SND1: variants seen among roughly 807,000 people sequenced by gnomAD.
SND1 encodes the protein staphylococcal nuclease and tudor domain containing 1.
Under a neutral mutation model 121.7 loss-of-function variants are expected in SND1, and 38 were observed. That is an observed-to-expected ratio of 0.31 (90% CI 0.24 to 0.41). SND1 has a LOEUF of 0.41. Among genes scored for constraint, SND1 ranks in the 10% least tolerant of loss-of-function variants. The probability of loss-of-function intolerance (pLI) is 1.00; values close to 1 mark genes in which losing one functional copy is unlikely to be tolerated. For missense variants in SND1, 868 were observed against 1,184.6 expected (o/e 0.73, Z 3.92); for synonymous variants, 401 against 447.4 (o/e 0.90, Z 1.31).
chr7:127,846,996 G>A (rs570712867), intron 12 of SND1, among the ~76,000 whole-genome samples: 17 of 151,984 alleles, frequency 1.1e-4, no homozygotes, highest in Non-Finnish European at 1.8e-4. Flanking sequence ...GGCCAGGCGC[G>A]ATGGCTCATG....
At chr7:127,724,965 C>CG (rs1202737486) in intron 10 of SND1, among the ~76,000 whole-genome samples, 2 of 152,026 alleles carry the variant, frequency 1.3e-5, no homozygotes, top group African/African-American at 4.8e-5. Context: ...GAAATCCCCC[C>CG]ACGCCAACCC....
At chr7:127,723,424 A>T (rs1587620998) in intron 10 of SND1, among the ~76,000 whole-genome samples, 1 of 150,906 alleles carries the variant, frequency 6.6e-6, no homozygotes, top group East Asian at 1.9e-4. Flanking sequence ...CACTCCTGAG[A>T]TCTTACTCCA....
At chr7:127,979,704 G>A (rs1033684101) in intron 15 of SND1, among the ~76,000 whole-genome samples, 1 of 152,116 alleles carries the variant, frequency 6.6e-6, no homozygotes, top group Non-Finnish European at 1.5e-5. Flanking sequence ...TGATATATTG[G>A]TTCTTTGGAA....
intron 12 of SND1, among the ~76,000 whole-genome samples, chr7:127,856,278 G>A (rs1799271868): frequency 1.3e-5 from 2 of 152,150 alleles, no homozygotes; most frequent in South Asian, 4.1e-4. Flanking sequence ...CTACTTCCCT[G>A]GGTATGCTAG....
chr7:127,852,019 G>A (rs1473327175), intron 12 of SND1, among the ~76,000 whole-genome samples: 1 of 152,046 alleles, frequency 6.6e-6, no homozygotes, highest in Non-Finnish European at 1.5e-5. Flanking sequence ...AATTAGCTGA[G>A]TGTAGTGATG....
chr7:127,926,714 G>A lies in SND1; in HGVS notation c.1528-2474G>A, dbSNP rs1055533151. ...ACTACAGGTGCCCACCACCACACCC[G>A]GCTATTTTGTTGTTGTTGTTGTTGT... On this transcript the variant is annotated intron_variant, in intron 14 of 23. Transcript: ENST00000354725. Among the ~76,000 whole-genome samples, 3 of 134,838 alleles carry A rather than the reference G, an allele frequency of 2.2e-5. No homozygotes were observed. In the East Asian group the frequency reaches 6.1e-4, roughly 27 times the overall value. The allele number at this position is 134,838 out of a possible 152,430, so 88.5% of individuals were successfully genotyped here.
intron 14 of SND1, among the ~76,000 whole-genome samples, chr7:127,920,298 C>A (rs1264863573): frequency 1.3e-5 from 2 of 151,926 alleles, no homozygotes; most frequent in African/African-American, 2.4e-5. Flanking sequence ...GGAAATAAAC[C>A]AATAAAGCAG....
intron 12 of SND1, among the ~76,000 whole-genome samples, chr7:127,846,823 T>C (rs1799072740): frequency 6.6e-6 from 1 of 152,206 alleles, no homozygotes; most frequent in African/African-American, 2.4e-5. Context: ...ATTTGATGAT[T>C]GGAAGCTCAC....
intron 15 of SND1, chr7:127,949,084 G>A (rs1293489675): frequency 2.0e-5 from 3 of 152,216 alleles, no homozygotes; most frequent in Admixed American, 1.3e-4. Context: ...CAGTTGCTAT[G>A]AGAACCTTAA....
chr7:128,067,543 C>T (rs1179080269), intron 16 of SND1, among the ~76,000 whole-genome samples: 1 of 152,150 alleles, frequency 6.6e-6, no homozygotes, highest in Non-Finnish European at 1.5e-5. Flanking sequence ...AGGGCAGTGG[C>T]GCCCTGTGCT....
intron 16 of SND1, among the ~76,000 whole-genome samples, chr7:127,993,286 ACC>A (rs1802562024): frequency 6.6e-6 from 1 of 152,164 alleles, no homozygotes; most frequent in Non-Finnish European, 1.5e-5. Context: ...ATTTACTTTT[ACC>A]TATGTAGTAC....
intron 15 of SND1, among the ~76,000 whole-genome samples, chr7:127,937,424 TC>T (rs557355010): frequency 9.2e-5 from 14 of 151,882 alleles, no homozygotes; most frequent in Non-Finnish European, 2.1e-4. Context: ...CCCTCCCCCT[TC>T]CTCTCTTTCC....
chr7:127,992,323 G>A (rs138696140), intron 16 of SND1, among the ~76,000 whole-genome samples: 1 of 152,132 alleles, frequency 6.6e-6, no homozygotes, highest in Non-Finnish European at 1.5e-5. Context: ...AAATAACCCC[G>A]TGCAAGAGAA....
intron 1 of SND1, among the ~76,000 whole-genome samples, chr7:127,665,583 A>G (rs552441443): frequency 1.7e-4 from 26 of 152,230 alleles, no homozygotes; most frequent in Non-Finnish European, 3.1e-4. Context: ...AGAAAAAATT[A>G]TTCATGACAC....
At chr7:127,753,526 C>T (rs1797139939) in intron 10 of SND1, among the ~76,000 whole-genome samples, 4 of 151,986 alleles carry the variant, frequency 2.6e-5, no homozygotes, top group Non-Finnish European at 4.4e-5. Context: ...CCAATCAGAT[C>T]CTTGCTTATT....
chr7:127,805,291 C>T (rs1360445291), intron 10 of SND1, among the ~76,000 whole-genome samples: 2 of 152,134 alleles, frequency 1.3e-5, no homozygotes, highest in African/African-American at 4.8e-5. Context: ...TCCCATTAGA[C>T]AGTGATCATG....
At chr7:127,822,868 G>T (rs1336457771) in intron 11 of SND1, among the ~76,000 whole-genome samples, 1 of 152,164 alleles carries the variant, frequency 6.6e-6, no homozygotes, top group Non-Finnish European at 1.5e-5. Flanking sequence ...TAGTGGTTTA[G>T]TGTATGGACT....
At chr7:128,089,937 C>T (rs1793749925) in intron 22 of SND1, 2 of 491,744 alleles carry the variant, frequency 4.1e-6, no homozygotes, top group Middle Eastern at 5.6e-4. Flanking sequence ...CTTCCCTCCC[C>T]ATGTACCCCC....
chr7:128,051,344 G>T (rs1297482246), intron 16 of SND1, among the ~76,000 whole-genome samples: 1 of 150,402 alleles, frequency 6.6e-6, no homozygotes, highest in East Asian at 1.9e-4. Flanking sequence ...GAGAGAGAGA[G>T]ATGGGCTGCA....
Sources: gnomAD v4.1 joint callset for allele counts (sites outside exome capture counted in the v4.1 genomes callset) on GRCh38, gnomAD v4.1.1 for gene constraint, MANE v1.5 for transcripts, NCBI Gene and HGNC (gene_info 2026-07-23, HGNC 2026-07-21) for gene names.